ITGAX: variants seen among roughly 807,000 people sequenced by gnomAD.
ITGAX encodes integrin subunit alpha X, also known as integrin alpha-X.
Under a neutral mutation model 140.2 loss-of-function variants are expected in ITGAX, and 99 were observed. The observed-to-expected ratio is 0.71, with a 90% confidence interval of 0.60 to 0.83. The LOEUF (loss-of-function observed/expected upper bound fraction) is 0.83. ITGAX is among the 40% of genes least tolerant of loss of function. The pLI is 0.00. For missense variants in ITGAX, 1,444 were observed against 1,482.0 expected (o/e 0.97, Z 0.42); for synonymous variants, 631 against 600.4 (o/e 1.05, Z -0.75).
intron 17 of ITGAX, 45 bp from the exon 18 acceptor site, chr16:31,372,333 T>C (rs753624109): frequency 1.2e-5 from 19 of 1,573,878 alleles, no homozygotes; most frequent in Non-Finnish European, 1.6e-5. Flanking sequence ...AGCGCAGCTC[T>C]TACCCTCCCC....
chr16:31,359,990 A>G lies in ITGAX; in HGVS notation c.632A>G (p.Asn211Ser). Residue 211 changes from asparagine (N) to serine (S), a missense_variant, in exon 7 of 30, where the codon AAC (asparagine) becomes AGC (serine). By Grantham distance (46) the Asn-to-Ser change is conservative (BLOSUM62 1). Transcript: ENST00000268296. ...TTCGAGGAATTCAGGCGCAGCTCAA[A>G]CCCCCTCAGCCTGTTGGCTTCTGTT... Reference protein sequence around the residue: ...FTFEEFRRSSNPLSLLASVHQ... With the variant: ...FTFEEFRRSSSPLSLLASVHQ... 1 of 1,613,786 alleles carries G rather than the reference A, an allele frequency of 6.2e-7. No homozygotes were observed. Among genetic ancestry groups the G allele is most frequent in the Non-Finnish European group, 8.5e-7 (1 of 1,179,986 alleles).
At chr16:31,373,902 A>G (rs2142520745) in intron 20 of ITGAX, among the ~76,000 whole-genome samples, 1 of 152,382 alleles carries the variant, frequency 6.6e-6, no homozygotes, top group East Asian at 1.9e-4. Flanking sequence ...AAAACTTTAT[A>G]AAAATAGGTA....
chr16:31,377,667 C>T (rs1394267110), intron 23 of ITGAX, among the ~76,000 whole-genome samples: 3 of 152,192 alleles, frequency 2.0e-5, no homozygotes, highest in Non-Finnish European at 4.4e-5. Flanking sequence ...CTGGGGTGTG[C>T]CCCAGGCTCT....
intron 8 of ITGAX, 42 bp downstream of exon 8, chr16:31,360,505 C>T (rs377048939): frequency 2.0e-6 from 3 of 1,529,650 alleles, no homozygotes; most frequent in Non-Finnish European, 2.7e-6. Context: ...ACGGCTTCCT[C>T]TCAGGGCAAC....
chr16:31,361,271 T>C lies in ITGAX; in HGVS notation c.1012+58T>C, dbSNP rs2080821997. On this transcript the variant is annotated intron_variant, in intron 9 of 29. Transcript: ENST00000268296. Reference sequence around the variant, plus strand: ...TCCTCAGCCGTTAACACCTTTCCACTTAGAACCCGAGGCTCCGTGAAACAG... The same window carrying C: ...TCCTCAGCCGTTAACACCTTTCCACCTAGAACCCGAGGCTCCGTGAAACAG... 4.2e-5 allele frequency: 65 copies of C among 1,542,810 alleles called. 1 individual carries two copies. In the South Asian group the frequency reaches 7.6e-4, roughly 18 times the overall value.
chr16:31,372,974 T>G lies in ITGAX; in HGVS notation c.2367-275T>G, dbSNP rs548882297. Among the ~76,000 whole-genome samples, 31 of 151,894 alleles carry G rather than the reference T, an allele frequency of 2.0e-4. 1 individual carries two copies. The highest frequency in any genetic ancestry group is 8.5e-4 in the Admixed American group (13 of 15,244). ...TGAGTGTGGTAGAGCATGCCTATAG[T>G]CCCAGCTACTTGGGAGGCTGAAGCT... is the stretch of plus-strand genomic sequence containing the variant. On this transcript the variant is annotated intron_variant, in intron 19 of 29. Transcript: ENST00000268296.
rs2081023980 is a variant in ITGAX, at chr16:31,376,861, C to T, written c.2571C>T (p.Gly857=). ...ACAGCGCCCCAGTTGGGAGCCAGGGCACCTGGAGCACCAGCTGCAGAATCA... is the reference window on the plus strand; with the variant it reads ...ACAGCGCCCCAGTTGGGAGCCAGGGTACCTGGAGCACCAGCTGCAGAATCA... ...TCDSAPVGSQ[G]TWSTSCRINH... is the part of the protein sequence containing the mutation. The change falls in exon 21 of 30, where the codon GGC becomes GGT. Residue 857 remains glycine (G), a synonymous_variant. Transcript: ENST00000268296. 1 of 1,614,226 alleles carries T rather than the reference C, an allele frequency of 6.2e-7. No homozygotes were observed. Among genetic ancestry groups the T allele is most frequent in the East Asian group, 2.2e-5 (1 of 44,896 alleles).
intron 14 of ITGAX, among the ~76,000 whole-genome samples, chr16:31,366,510 T>C (rs2080894332): frequency 6.6e-6 from 1 of 152,186 alleles, no homozygotes; most frequent in African/African-American, 2.4e-5. Context: ...GAGTCACATG[T>C]CTCTCACTAT....
At chr16:31,355,349 C>T in intron 1 of ITGAX, 58 bp downstream of exon 1, 1 of 1,591,634 alleles carries the variant, frequency 6.3e-7, no homozygotes, top group East Asian at 2.2e-5. Flanking sequence ...GAGCCAGGGC[C>T]CTGAACTGGG....
In ITGAX at chr16:31,355,974, G is replaced by A. The variant is rs771316123; in HGVS notation, c.119G>A (p.Ser40Asn). Reference protein sequence around the residue: ...FRVDSAGFGDSVVQYANSWVV... With the variant: ...FRVDSAGFGDNVVQYANSWVV... ...GTGGACAGCGCTGGGTTTGGAGACA[G>A]CGTGGTCCAGTATGCCAACTCCTGG... is the stretch of plus-strand genomic sequence containing the variant. Residue 40 changes from serine to asparagine, a missense_variant, in exon 2 of 30, where the codon AGC becomes AAC. Transcript: ENST00000268296. 1 of 1,613,286 alleles carries A rather than the reference G, an allele frequency of 6.2e-7. No individual in the cohort carries two copies. The highest frequency in any genetic ancestry group is 1.3e-5 in the African/African-American group (1 of 74,906).
At position 31,357,297 on chromosome 16, in the gene ITGAX, C is replaced by A; in HGVS notation, c.363C>A (p.Tyr121Ter). The change falls in exon 5 of 30, where the codon TAC becomes TAA. Residue 121 changes from tyrosine (Y) to a stop codon, truncating the protein, a stop_gained. Transcript: ENST00000268296. LOFTEE classifies it high-confidence loss of function. The stretch of plus-strand genomic sequence containing the variant: ...ACCACGAGTGCGGGAGGAACATGTA[C>A]CTCACCGGACTCTGCTTCCTCCTGG... ...TVHHECGRNMYLTGLCFLLGP... is the reference protein window; with the variant it reads ...TVHHECGRNM 1 of 1,608,934 alleles carries A rather than the reference C, an allele frequency of 6.2e-7. No homozygotes were observed. Among genetic ancestry groups the A allele is most frequent in the Non-Finnish European group, 8.5e-7 (1 of 1,178,354 alleles).
At position 31,380,947 on chromosome 16, in the gene ITGAX, C is replaced by T. The variant is rs1567309563; in HGVS notation, c.3327C>T (p.Ile1109=). ...KYKVHNPTPL[I]VGSSIGGLLL... ...AGGTCCACAACCCCACCCCCCTCAT[C>T]GTAGGCAGCTCCATTGGGGGTCTGT... The change falls in exon 29 of 30, where the codon ATC becomes ATT. Residue 1109 remains isoleucine (I), a synonymous_variant. Coordinates refer to ENST00000268296, the MANE Select transcript of ITGAX (RefSeq NM_000887.5). 1.2e-6 allele frequency: 2 copies of T among 1,614,062 alleles called. No individual in the cohort carries two copies. The highest frequency in any genetic ancestry group is 1.3e-5 in the African/African-American group (1 of 74,922).
chr16:31,379,364 A>G (rs1351607504), intron 23 of ITGAX, among the ~76,000 whole-genome samples: 1 of 151,714 alleles, frequency 6.6e-6, no homozygotes, highest in Non-Finnish European at 1.5e-5. Flanking sequence ...TGATCCGCCC[A>G]TCTCAGCATC....
chr16:31,371,738 T>C lies in ITGAX; in HGVS notation c.2114T>C (p.Val705Ala). The change falls in exon 17 of 30, where the codon GTC becomes GCC. Residue 705 changes from valine (V) to alanine (A), a missense_variant. Physicochemically the swap from Val to Ala is moderately conservative, Grantham distance 64. Coordinates refer to ENST00000268296, the MANE Select transcript of ITGAX (RefSeq NM_000887.5). ...TKNRSLSRVR[V>A]LGLKAHCENF... ...AACCGGAGTCTGAGCCGAGTCCGAG[T>C]CCTCGGGCTGAAGGCACACTGTGAA... The C allele has an allele frequency of 6.2e-7, 1 of 1,613,882 alleles. No individual in the cohort carries two copies. The highest frequency in any genetic ancestry group is 1.1e-5 in the South Asian group (1 of 91,044).
intron 9 of ITGAX, chr16:31,361,536 C>A: frequency 1.4e-6 from 1 of 696,332 alleles, no homozygotes; most frequent in Non-Finnish European, 2.5e-6. Context: ...GCCCACATCC[C>A]ACCAGCCACT....
At chr16:31,371,266 G>A (rs773828620) in intron 15 of ITGAX, 52 bp downstream of exon 15, 150 of 1,606,506 alleles carry the variant, frequency 9.3e-5, no homozygotes, top group Non-Finnish European at 1.1e-4. Flanking sequence ...GTTCAGATGG[G>A]GGTGCCCACC....
Position 31,362,670 on chromosome 16 carries a change from C to G in ITGAX, c.1276C>G (p.Arg426Gly), listed in dbSNP as rs201384441. 1 of 1,613,730 alleles carries G rather than the reference C, an allele frequency of 6.2e-7. No homozygotes were observed. Among genetic ancestry groups the G allele is most frequent in the Non-Finnish European group, 8.5e-7 (1 of 1,179,832 alleles). ...GCAGAGCCTGGTCCTGGGGGCCCCCCGCTACCAGCACACCGGGAAGGCTGT... is the reference window on the plus strand; with the variant it reads ...GCAGAGCCTGGTCCTGGGGGCCCCCGGCTACCAGCACACCGGGAAGGCTGT... ...GVQSLVLGAP[R>G]YQHTGKAVIF... The change falls in exon 12 of 30, where the codon CGC becomes GGC. Residue 426 changes from arginine (R) to glycine (G), a missense_variant. Arg to Gly is a moderately radical substitution (Grantham distance 125). Coordinates refer to ENST00000268296, the MANE Select transcript of ITGAX (RefSeq NM_000887.5).
chr16:31,370,447 C>T (rs1031738030), intron 14 of ITGAX, among the ~76,000 whole-genome samples: 2 of 152,052 alleles, frequency 1.3e-5, no homozygotes, highest in African/African-American at 4.8e-5. Context: ...TTTTCTTGTC[C>T]TTTGAAGAGA....
In ITGAX at chr16:31,359,841, G is replaced by T. The variant is rs779393714; in HGVS notation, c.561+11G>T. On this transcript the variant is annotated intron_variant, in intron 6 of 29. Coordinates refer to ENST00000268296, the MANE Select transcript of ITGAX (RefSeq NM_000887.5). ...AGACCCAGCACCCAGGTGTGCCTTTGGGGGAGGGAGGCTGCTGGGGGTGGG... is the reference window on the plus strand; with the variant it reads ...AGACCCAGCACCCAGGTGTGCCTTTTGGGGAGGGAGGCTGCTGGGGGTGGG... 4.3e-6 allele frequency: 7 copies of T among 1,613,974 alleles called. No homozygotes were observed. In the South Asian group the frequency reaches 4.4e-5, roughly 10 times the overall value.
Sources: gnomAD v4.1 joint callset for allele counts (sites outside exome capture counted in the v4.1 genomes callset) on GRCh38, gnomAD v4.1.1 for gene constraint, MANE v1.5 for transcripts, NCBI Gene and HGNC (gene_info 2026-07-23, HGNC 2026-07-21) for gene names.